NR4A3: variants seen among roughly 807,000 people sequenced by gnomAD.
The protein encoded by NR4A3 is nuclear receptor subfamily 4 group A member 3, also known as chondrosarcoma, extraskeletal myxoid, fused to EWS.
A neutral mutation model predicts 55.6 loss-of-function variants in NR4A3; 13 were observed. The ratio of observed to expected loss-of-function variants is 0.23; its 90% confidence interval spans 0.15 to 0.37. The LOEUF (loss-of-function observed/expected upper bound fraction) is 0.37. NR4A3 is among the 10% of genes least tolerant of loss of function. The pLI is 1.00. For missense variants in NR4A3, 646 were observed against 822.8 expected (o/e 0.79, Z 2.63); for synonymous variants, 342 against 357.9 (o/e 0.96, Z 0.50).
At chr9:99,861,275 T>C (rs1303558954) in intron 7 of NR4A3, among the ~76,000 whole-genome samples, 1 of 152,206 alleles carries the variant, frequency 6.6e-6, no homozygotes, top group Non-Finnish European at 1.5e-5. Context: ...AGCCCAGCAC[T>C]TTGGGAGGCC....
At chr9:99,849,609 G>T (rs1016197625) in intron 7 of NR4A3, among the ~76,000 whole-genome samples, 1 of 152,194 alleles carries the variant, frequency 6.6e-6, no homozygotes, top group Non-Finnish European at 1.5e-5. Flanking sequence ...TCCTACGTCA[G>T]TTAAACATTC....
intron 5 of NR4A3, among the ~76,000 whole-genome samples, chr9:99,843,631 C>T (rs779209720): frequency 2.6e-5 from 4 of 152,160 alleles, no homozygotes; most frequent in Admixed American, 2.0e-4. Flanking sequence ...CCAACCTGAG[C>T]AACATAGCGA....
rs1346060386 is a variant in NR4A3 at position 99,825,236 on chromosome 9, C to T, written c.-176-423C>T. On this transcript the variant is annotated intron_variant, in intron 1 of 7. Transcript: ENST00000395097. This position sits in a 1 kb window ranked among gnomAD's most constrained non-coding sequence, Gnocchi z 5.0. ...GCGGAGCTGGAAAATGGCTTTTTTC[C>T]GCTGGTGAACACTCACTGACCCCCC... 2.0e-5 allele frequency among the ~76,000 whole-genome samples: 3 copies of T among 152,032 alleles called. No individual in the cohort carries two copies. The highest frequency in any genetic ancestry group is 4.1e-4 in the South Asian group (2 of 4,830).
chr9:99,844,878 C>A, intron 6 of NR4A3, 30 bp downstream of exon 6: 1 of 1,552,418 alleles, frequency 6.4e-7, no homozygotes, highest in Non-Finnish European at 8.9e-7. Context: ...CTTCAGTCTA[C>A]GTCCTTTGAA....
chr9:99,855,169 T>A (rs888354438), intron 7 of NR4A3, among the ~76,000 whole-genome samples: 1 of 152,058 alleles, frequency 6.6e-6, no homozygotes. Flanking sequence ...GTGATTTTTG[T>A]ACATTGATTT....
intron 5 of NR4A3, among the ~76,000 whole-genome samples, chr9:99,835,419 G>A (rs1025720111): frequency 6.6e-6 from 1 of 152,146 alleles, no homozygotes; most frequent in Non-Finnish European, 1.5e-5. Context: ...TAAATACCAA[G>A]CTTCACTGCC....
chr9:99,863,159 G>A (rs375903562), intron 7 of NR4A3, among the ~76,000 whole-genome samples: 6 of 152,124 alleles, frequency 3.9e-5, no homozygotes, highest in African/African-American at 1.4e-4. Context: ...TAATTCATTT[G>A]CCTGGATGTG....
intron 7 of NR4A3, among the ~76,000 whole-genome samples, chr9:99,859,955 C>T (rs7847479): frequency 0.45 from 68,671 of 152,038 alleles, 16,672 homozygotes; most frequent in Non-Finnish European, 0.56. Context: ...AATTTAGTAT[C>T]AGCAAGGTGA....
At position 99,825,186 on chromosome 9, in the gene NR4A3, A is replaced by G. The variant is rs1587870118; in HGVS notation, c.-176-473A>G. Among the ~76,000 whole-genome samples the G allele has an allele frequency of 7.3e-6, 1 of 136,768 alleles. No individual in the cohort carries two copies. Among genetic ancestry groups the G allele is most frequent in the Admixed American group, 7.3e-5 (1 of 13,680 alleles). 89.7% of individuals were successfully genotyped at this position (136,768 alleles called of 152,430 possible). On this transcript the variant is annotated intron_variant, in intron 1 of 7. Coordinates refer to ENST00000395097, the MANE Select transcript of NR4A3 (RefSeq NM_006981.4). The surrounding 1 kb of genome is among the most constrained non-coding windows in gnomAD (Gnocchi z 5.0). ...GTGCATTTCCTATGCAACGTGTAAA[A>G]TTTGTATTTGAGGGGTGGGGGCGGG...
intron 2 of NR4A3, among the ~76,000 whole-genome samples, chr9:99,827,201 A>G (rs1426789153): frequency 6.6e-6 from 1 of 152,136 alleles, no homozygotes; most frequent in Admixed American, 6.6e-5. Context: ...ATAGTTATAA[A>G]CTGTTATCAC....
chr9:99,824,323 G>T (rs1827250878), intron 1 of NR4A3, among the ~76,000 whole-genome samples: 1 of 152,216 alleles, frequency 6.6e-6, no homozygotes, highest in South Asian at 2.1e-4. Context: ...GAACGACTCC[G>T]CTTGAAAGGC....
intron 5 of NR4A3, among the ~76,000 whole-genome samples, chr9:99,839,923 G>A (rs967783508): frequency 3.9e-5 from 6 of 152,256 alleles, no homozygotes; most frequent in Non-Finnish European, 8.8e-5. Flanking sequence ...AGAGCTGGGA[G>A]TCCAGTCCTT....
rs1278883748 is a variant in NR4A3, at chr9:99,822,805, C to T, written c.-177+398C>T. ...AGGGAGTTGCAGCTCCGGTGATGAA[C>T]GGCAGTAATTTTCCTGCCTTTTAAG... On this transcript the variant is annotated intron_variant, in intron 1 of 7. Coordinates refer to ENST00000395097, the MANE Select transcript of NR4A3 (RefSeq NM_006981.4). This position sits in a 1 kb window ranked among gnomAD's most constrained non-coding sequence, Gnocchi z 4.9. 2.0e-5 allele frequency among the ~76,000 whole-genome samples: 3 copies of T among 152,072 alleles called. No homozygotes were observed. The highest frequency in any genetic ancestry group is 4.4e-5 in the Non-Finnish European group (3 of 68,012).
intron 4 of NR4A3, 151 bp downstream of exon 4, chr9:99,832,969 A>C: frequency 1.5e-6 from 1 of 689,076 alleles, no homozygotes; most frequent in Non-Finnish European, 2.2e-6. Context: ...ACATTTTAAA[A>C]TAACTGAGGA....
At chr9:99,855,181 G>T (rs970534751) in intron 7 of NR4A3, among the ~76,000 whole-genome samples, 2 of 152,070 alleles carry the variant, frequency 1.3e-5, no homozygotes, top group African/African-American at 4.8e-5. Flanking sequence ...CATTGATTTT[G>T]TATCCTGAGA....
In NR4A3 at chr9:99,848,533, T is replaced by C. The variant is rs567286402; in HGVS notation, c.1633+918T>C. On this transcript the variant is annotated intron_variant, in intron 7 of 7. Transcript: ENST00000395097. ...CTAATTTTTGTATCTTTAGTAGAGA[T>C]GGGATTTCATCATGCTGGCCAGGCT... 5.3e-5 allele frequency among the ~76,000 whole-genome samples: 8 copies of C among 152,222 alleles called. No homozygotes were observed. The East Asian group carries it at 1.5e-3, about 29-fold the overall frequency.
chr9:99,849,541 G>A (rs77609258), intron 7 of NR4A3, among the ~76,000 whole-genome samples: 166 of 152,250 alleles, frequency 1.1e-3, no homozygotes, highest in African/African-American at 3.8e-3. Flanking sequence ...AAGGAAACTG[G>A]TTCAAGGCTG....
Position 99,828,435 on chromosome 9 carries a change from C to T in NR4A3, c.393C>T (p.Thr131=). Reference sequence around the variant, plus strand: ...CGGAGGACGAGGTGCTGCCCAGCACCTCCATGTACTTCAAGCAGTCCCCAC... The same window carrying T: ...CGGAGGACGAGGTGCTGCCCAGCACTTCCATGTACTTCAAGCAGTCCCCAC... ...SSPEDEVLPS[T]SMYFKQSPPS... The change falls in exon 3 of 8, where the codon ACC becomes ACT. Residue 131 remains threonine (T), a synonymous_variant. Coordinates refer to ENST00000395097, the MANE Select transcript of NR4A3 (RefSeq NM_006981.4). This position sits in a 1 kb window ranked among gnomAD's most constrained non-coding sequence, Gnocchi z 7.7. The T allele has an allele frequency of 3.2e-6, 5 of 1,582,720 alleles. No individual in the cohort carries two copies. The highest frequency in any genetic ancestry group is 4.3e-6 in the Non-Finnish European group (5 of 1,164,344).
intron 6 of NR4A3, among the ~76,000 whole-genome samples, chr9:99,846,259 A>G (rs1433392507): frequency 6.6e-6 from 1 of 152,254 alleles, no homozygotes; most frequent in East Asian, 1.9e-4. Flanking sequence ...CTTACTTGTT[A>G]TACCCAATAT....
Sources: allele counts gnomAD v4.1 joint callset (sites outside exome capture counted in the v4.1 genomes callset), GRCh38; gene constraint gnomAD v4.1.1; non-coding constraint Gnocchi (gnomAD v3.1); transcripts MANE v1.5; gene names NCBI Gene and HGNC (gene_info 2026-07-23, HGNC 2026-07-21).